The following POLN variants were observed in gnomAD, a reference collection of about 807,000 sequenced individuals.
POLN encodes DNA polymerase nu.
In POLN, 108 loss-of-function variants were observed where a neutral mutation model predicts 113.5. The ratio of observed to expected loss-of-function variants is 0.95; its 90% CI spans 0.81 to 1.12. The LOEUF (loss-of-function observed/expected upper bound fraction) is 1.12, where lower values mean the gene tolerates loss of function less well. Among genes scored for constraint, POLN ranks in the 50% most tolerant of loss-of-function variants. The pLI is 0.00. For synonymous variants in POLN, 386 were observed against 391.5 expected (o/e 0.99, Z 0.17); for missense variants, 1,097 against 1,077.1 (o/e 1.02, Z -0.26).
intron 19 of POLN, among the ~76,000 whole-genome samples, chr4:2,098,924 A>G (rs989547588): frequency 6.6e-5 from 10 of 150,576 alleles, no homozygotes; most frequent in African/African-American, 2.4e-4. Flanking sequence ...GTGCGCACAC[A>G]CACACACACA....
chr4:2,237,453 A>C (rs1734807235), intron 2 of POLN, among the ~76,000 whole-genome samples: 2 of 151,870 alleles, frequency 1.3e-5, no homozygotes, highest in South Asian at 2.1e-4. Flanking sequence ...AAGAAAGGGA[A>C]GGAAAGGAAG....
chr4:2,159,214 A>G lies in POLN; in HGVS notation c.1555-3T>C. On this transcript the variant is annotated splice_polypyrimidine_tract_variant and splice_region_variant and intron_variant, in intron 13 of 25. Transcript: ENST00000511885. ...TGAAGGTCTCGCAGAGCATTTAACT[A>G]AACATGAAAATAGATACTACCAATG... is the stretch of plus-strand genomic sequence containing the variant. 1 of 1,599,482 alleles carries G rather than the reference A, an allele frequency of 6.3e-7. No homozygotes were observed. Among genetic ancestry groups the G allele is most frequent in the Non-Finnish European group, 8.6e-7 (1 of 1,168,878 alleles).
rs776886322 is a variant in POLN at position 2,222,712 on chromosome 4, TA to T, written c.133+6386del. 9.1e-3 allele frequency among the ~76,000 whole-genome samples: 1,147 copies of T among 125,848 alleles called. 18 individuals are homozygous for T. Among genetic ancestry groups the T allele is most frequent in the African/African-American group, 0.02 (560 of 27,584 alleles). The allele number at this position is 125,848 out of a possible 152,430, so 82.6% of individuals were successfully genotyped here. ...CCCACGGCCTTTTTTTTTTTTTTTT[TA>T]TTTTTCCACAGGATCTATTATTCCC... On this transcript the variant is annotated intron_variant, in intron 3 of 25. Coordinates refer to ENST00000511885, the MANE Select transcript of POLN (RefSeq NM_181808.4).
At chr4:2,197,398 T>C (rs1207765135) in intron 6 of POLN, among the ~76,000 whole-genome samples, 1 of 152,106 alleles carries the variant, frequency 6.6e-6, no homozygotes, top group Non-Finnish European at 1.5e-5. Flanking sequence ...ATATGGTTTG[T>C]GGAAAGTAGA....
chr4:2,197,255 G>A (rs1733599610), intron 6 of POLN, among the ~76,000 whole-genome samples: 2 of 152,206 alleles, frequency 1.3e-5, no homozygotes, highest in East Asian at 1.9e-4. Context: ...GGAAGCAGGA[G>A]TCCAATGTGG....
Position 2,208,069 on chromosome 4 carries a change from AG to A in POLN, c.631del (p.Leu211Ter), listed in dbSNP as rs746651925. 6 of 1,614,106 alleles carry A rather than the reference AG, an allele frequency of 3.7e-6. No individual in the cohort carries two copies. In the Admixed American group the frequency reaches 8.3e-5, roughly 22 times the overall value. On this transcript the variant is annotated frameshift_variant, in exon 5 of 26. Coordinates refer to ENST00000511885, the MANE Select transcript of POLN (RefSeq NM_181808.4). LOFTEE classifies it high-confidence loss of function. ...TGCTGCCTGTTTGAGCATTTCAATC[AG>A]CTGGCTTTTTGCCCAATCATCCAAA... is the stretch of plus-strand genomic sequence containing the variant. ...RHLDDWAKSQ[L>X]IEMLKQAAAL...
intron 8 of POLN, among the ~76,000 whole-genome samples, chr4:2,178,838 C>T (rs1384028008): frequency 1.3e-5 from 2 of 152,126 alleles, no homozygotes; most frequent in African/African-American, 4.8e-5. Flanking sequence ...TCTTGAACTC[C>T]TGGCCTCGAG....
At chr4:2,158,108 T>C (rs1732483179) in intron 14 of POLN, among the ~76,000 whole-genome samples, 197 bp from the exon 15 acceptor site, 1 of 152,154 alleles carries the variant, frequency 6.6e-6, no homozygotes, top group Admixed American at 6.5e-5. Context: ...TGCGCCACCA[T>C]GCTCGGCTAA....
rs1734495996 is a variant in POLN at position 2,229,377 on chromosome 4, G to A, written c.-12-134C>T. The A allele has an allele frequency of 8.6e-6, 6 of 696,468 alleles. No individual in the cohort carries two copies. The East Asian group carries it at 9.6e-5, about 11-fold the overall frequency. The allele number at this position is 696,468 out of a possible 1,614,324, so 43.1% of individuals were successfully genotyped here. On this transcript the variant is annotated intron_variant, in intron 2 of 25. Transcript: ENST00000511885. Reference sequence around the variant, plus strand: ...TCTATATTCATAACCACAGAAAATAGGCATCAATCATCCAATAATATAGAT... The same window carrying A: ...TCTATATTCATAACCACAGAAAATAAGCATCAATCATCCAATAATATAGAT...
chr4:2,173,430 C>T (rs966524979), intron 11 of POLN, among the ~76,000 whole-genome samples: 9 of 151,248 alleles, frequency 6.0e-5, no homozygotes, highest in Admixed American at 5.9e-4. Context: ...TCATCCTACG[C>T]TGCTATCAAA....
At position 2,156,826 on chromosome 4, in the gene POLN, T is replaced by C; in HGVS notation, c.1693A>G (p.Thr565Ala). 6.2e-7 allele frequency: 1 copy of C among 1,613,104 alleles called. No homozygotes were observed. The highest frequency in any genetic ancestry group is 8.5e-7 in the Non-Finnish European group (1 of 1,179,032). Residue 565 changes from threonine (T) to alanine (A), a missense_variant, in exon 16 of 26, where the codon ACT (threonine) becomes GCT (alanine). Coordinates refer to ENST00000511885, the MANE Select transcript of POLN (RefSeq NM_181808.4). ...GAAAGTCTTCCAGTCACAGTTCCAG[T>C]CTGATTCCATGTAGAGGAAATGGAG... ...KGSISSTWNQ[T>A]GTVTGRLSAK...
chr4:2,179,536 C>T, intron 7 of POLN, 71 bp from the exon 8 acceptor site: 1 of 1,470,254 alleles, frequency 6.8e-7, no homozygotes, highest in Non-Finnish European at 9.4e-7. Flanking sequence ...TGACAAAGTT[C>T]TTAAGTTCAA....
chr4:2,081,810 G>T, intron 21 of POLN, 67 bp from the exon 22 acceptor site: 1 of 1,393,314 alleles, frequency 7.2e-7, no homozygotes, highest in South Asian at 1.2e-5. Flanking sequence ...CAGCTCCCTC[G>T]GGCCAGGTCC....
intron 3 of POLN, among the ~76,000 whole-genome samples, chr4:2,226,088 T>C (rs1734383120): frequency 1.3e-5 from 2 of 152,206 alleles, no homozygotes; most frequent in African/African-American, 4.8e-5. Context: ...GGGCCCAGGA[T>C]CCTTCTAGCA....
chr4:2,105,317 A>C (rs1731039184), intron 19 of POLN, among the ~76,000 whole-genome samples: 1 of 152,106 alleles, frequency 6.6e-6, no homozygotes, highest in Non-Finnish European at 1.5e-5. Flanking sequence ...GGATGGCAGC[A>C]ATAGTCTCCT....
At chr4:2,192,267 C>G (rs914656787) in intron 7 of POLN, among the ~76,000 whole-genome samples, 4 of 152,012 alleles carry the variant, frequency 2.6e-5, no homozygotes, top group Non-Finnish European at 5.9e-5. Context: ...TGAAAAGAAT[C>G]ATACAGTGAA....
intron 11 of POLN, among the ~76,000 whole-genome samples, 157 bp downstream of exon 11, chr4:2,173,798 G>C (rs1254677423): frequency 1.3e-5 from 2 of 152,044 alleles, no homozygotes; most frequent in Non-Finnish European, 2.9e-5. Context: ...TTCAATGCTT[G>C]GTTCTCCCCT....
intron 19 of POLN, among the ~76,000 whole-genome samples, chr4:2,117,068 C>T (rs1731333025): frequency 6.6e-6 from 1 of 152,196 alleles, no homozygotes; most frequent in Non-Finnish European, 1.5e-5. Flanking sequence ...GCAACATGTC[C>T]ATTACAGGTC....
intron 19 of POLN, among the ~76,000 whole-genome samples, chr4:2,118,732 T>C (rs1297108987): frequency 6.6e-6 from 1 of 152,236 alleles, no homozygotes; most frequent in Non-Finnish European, 1.5e-5. Flanking sequence ...GATGCCACGA[T>C]AGGCCAGGTT....
Sources: allele counts gnomAD v4.1 joint callset (sites outside exome capture counted in the v4.1 genomes callset), GRCh38; gene constraint gnomAD v4.1.1; transcripts MANE v1.5; gene names NCBI Gene and HGNC (gene_info 2026-07-23, HGNC 2026-07-21).